Variants in LDLRAD3 observed in about 807,000 individuals in gnomAD.
LDLRAD3 encodes low density lipoprotein receptor class A domain containing 3, also known as low-density lipoprotein receptor class A domain-containing protein 3.
LDLRAD3 carries 20 observed loss-of-function variants against 29.4 expected under a neutral mutation model. That is an observed-to-expected ratio of 0.68 (90% confidence interval 0.48 to 0.99). The LOEUF (loss-of-function observed/expected upper bound fraction) is 0.99, where lower values mean the gene tolerates loss of function less well. LDLRAD3 is among the 50% of genes least tolerant of loss of function. The pLI is 0.00. For synonymous variants in LDLRAD3, 157 were observed against 192.7 expected (o/e 0.81, Z 1.53); for missense variants, 420 against 454.3 (o/e 0.92, Z 0.69).
chr11:36,224,215 A>G (rs937101461), intron 4 of LDLRAD3, among the ~76,000 whole-genome samples: 1 of 151,892 alleles, frequency 6.6e-6, no homozygotes, highest in East Asian at 1.9e-4. Flanking sequence ...ATACTCTACC[A>G]TCTGGATAGT....
intron 3 of LDLRAD3, among the ~76,000 whole-genome samples, chr11:36,082,073 T>C (rs935547979): frequency 6.6e-6 from 1 of 152,222 alleles, no homozygotes; most frequent in African/African-American, 2.4e-5. Context: ...AATTTCAAGT[T>C]AGAGAAGTAC....
chr11:36,214,339 A>G (rs1354037293), intron 4 of LDLRAD3, among the ~76,000 whole-genome samples: 2 of 152,194 alleles, frequency 1.3e-5, no homozygotes, highest in African/African-American at 2.4e-5. Context: ...GACTATGTCA[A>G]GGCACCATCT....
chr11:36,214,719 C>T (rs949419849), intron 4 of LDLRAD3, among the ~76,000 whole-genome samples: 8 of 152,164 alleles, frequency 5.3e-5, no homozygotes, highest in African/African-American at 1.9e-4. Flanking sequence ...GGCTGTGTGA[C>T]CTGGGGCAAA....
intron 1 of LDLRAD3, among the ~76,000 whole-genome samples, chr11:35,955,370 A>G (rs73442673): frequency 0.031 from 4,683 of 152,336 alleles, 218 homozygotes; most frequent in African/African-American, 0.1. Context: ...GATTCCAGGA[A>G]GGAAGCACAT....
chr11:36,202,016 C>T (rs1159119501), intron 4 of LDLRAD3, among the ~76,000 whole-genome samples: 2 of 151,426 alleles, frequency 1.3e-5, no homozygotes, highest in Non-Finnish European at 2.9e-5. Context: ...GTGTCAAAGA[C>T]CCCTCCTTGG....
At chr11:36,221,570 G>A (rs1036099922) in intron 4 of LDLRAD3, among the ~76,000 whole-genome samples, 1 of 152,128 alleles carries the variant, frequency 6.6e-6, no homozygotes, top group Non-Finnish European at 1.5e-5. Context: ...AGAGGCTTAG[G>A]TGGCAGGATC....
At chr11:36,184,620 C>G (rs188837263) in intron 4 of LDLRAD3, among the ~76,000 whole-genome samples, 1 of 152,142 alleles carries the variant, frequency 6.6e-6, no homozygotes, top group East Asian at 1.9e-4. Flanking sequence ...CAGTTCAGGA[C>G]CATTTCAAAC....
chr11:36,128,920 A>G (rs1030578658), intron 4 of LDLRAD3, among the ~76,000 whole-genome samples: 16 of 151,712 alleles, frequency 1.1e-4, no homozygotes, highest in African/African-American at 3.9e-4. Flanking sequence ...GGCAGAGGCC[A>G]AGGTTAGTAG....
At chr11:35,966,316 T>C (rs940186326) in intron 1 of LDLRAD3, among the ~76,000 whole-genome samples, 2 of 152,118 alleles carry the variant, frequency 1.3e-5, no homozygotes, top group Non-Finnish European at 2.9e-5. Flanking sequence ...TCCCAGCTCC[T>C]CGGGAGACTG....
intron 4 of LDLRAD3, among the ~76,000 whole-genome samples, chr11:36,133,958 TCA>T (rs145772069): frequency 0.045 from 6,894 of 151,950 alleles, 219 homozygotes; most frequent in South Asian, 0.11. Flanking sequence ...CTTCCCTCTT[TCA>T]GATTTCCAAG....
intron 4 of LDLRAD3, among the ~76,000 whole-genome samples, chr11:36,142,613 G>C (rs948575540): frequency 5.9e-5 from 9 of 152,266 alleles, no homozygotes; most frequent in African/African-American, 2.2e-4. Flanking sequence ...TTAGTCTTAA[G>C]CACAAACGTC....
At chr11:36,035,248 C>A (rs1219514945) in intron 1 of LDLRAD3, among the ~76,000 whole-genome samples, 6 of 150,604 alleles carry the variant, frequency 4.0e-5, no homozygotes, top group Admixed American at 3.3e-4. Context: ...AGCCATTGAT[C>A]ACAATGGATC....
chr11:36,225,744 T>C (rs917750595), intron 4 of LDLRAD3, among the ~76,000 whole-genome samples: 4 of 151,870 alleles, frequency 2.6e-5, no homozygotes, highest in Non-Finnish European at 4.4e-5. Context: ...ACCTACCCCA[T>C]GGAGTTGTTA....
At chr11:36,219,809 G>A (rs1049519519) in intron 4 of LDLRAD3, among the ~76,000 whole-genome samples, 2 of 152,150 alleles carry the variant, frequency 1.3e-5, no homozygotes, top group East Asian at 1.9e-4. Context: ...GTTTTGAAAC[G>A]TTTTCTTCAT....
chr11:36,136,256 A>G (rs1445370610), intron 4 of LDLRAD3, among the ~76,000 whole-genome samples: 1 of 152,174 alleles, frequency 6.6e-6, no homozygotes, highest in African/African-American at 2.4e-5. Flanking sequence ...TTTCATATAC[A>G]CTGTCTTAGG....
chr11:36,196,716 G>A (rs917538633), intron 4 of LDLRAD3: 11 of 152,316 alleles, frequency 7.2e-5, no homozygotes, highest in African/African-American at 2.2e-4. Flanking sequence ...AACAATGCAC[G>A]TGGGGCTCTT....
intron 2 of LDLRAD3, among the ~76,000 whole-genome samples, chr11:36,064,276 T>A (rs1430943383): frequency 6.6e-6 from 1 of 152,196 alleles, no homozygotes; most frequent in African/African-American, 2.4e-5. Flanking sequence ...GCAACCTTGC[T>A]AAACTTGTTC....
chr11:36,192,053 G>C (rs963859681), intron 4 of LDLRAD3, among the ~76,000 whole-genome samples: 5 of 152,124 alleles, frequency 3.3e-5, no homozygotes, highest in Non-Finnish European at 7.4e-5. Flanking sequence ...GCTTTCAAAA[G>C]AGCTAACCAA....
intron 3 of LDLRAD3, among the ~76,000 whole-genome samples, chr11:36,084,996 A>G (rs1286141778): frequency 6.6e-6 from 1 of 152,172 alleles, no homozygotes; most frequent in Non-Finnish European, 1.5e-5. Flanking sequence ...TTCCAAAGGT[A>G]TTGTATTTAC....
Sources: allele counts gnomAD v4.1 joint callset (sites outside exome capture counted in the v4.1 genomes callset), GRCh38; gene constraint gnomAD v4.1.1; transcripts MANE v1.5; gene names NCBI Gene and HGNC (gene_info 2026-07-23, HGNC 2026-07-21).